The following MKKS variants were observed in gnomAD, a reference collection of about 807,000 sequenced individuals.
MKKS encodes MKKS centrosomal shuttling protein, also known as molecular chaperone MKKS.
Under a neutral mutation model 33.2 loss-of-function variants are expected in MKKS, and 29 were observed. The observed-to-expected ratio is 0.87, with a 90% CI of 0.65 to 1.19. MKKS has a LOEUF of 1.19. Ranked by LOEUF, MKKS falls within the 50% of genes most tolerant of loss-of-function variation. MKKS has a pLI of 0.00. For missense variants in MKKS, 661 were observed against 662.3 expected, an observed-to-expected ratio of 1.00 and a Z score of 0.02; for synonymous variants, 260 against 244.0, an observed-to-expected ratio of 1.07 and a Z score of -0.61.
At position 10,423,865 on chromosome 20, in the gene MKKS, C is replaced by T. The variant is rs145441546; in HGVS notation, c.-648-3107G>A. Among the ~76,000 whole-genome samples, 208 of 152,298 alleles carry T rather than the reference C, an allele frequency of 1.4e-3. 1 individual carries two copies. The highest frequency in any genetic ancestry group is 4.7e-3 in the African/African-American group (197 of 41,558). On this transcript the variant is annotated intron_variant, in intron 1 of 5. Coordinates refer to ENST00000347364, the MANE Select transcript of MKKS (RefSeq NM_170784.3). ...TGCTAAACATCACTGAGACTCAGTACAGTATTTCCTGGTTAGTAAATGATG... is the reference window on the plus strand; with the variant it reads ...TGCTAAACATCACTGAGACTCAGTATAGTATTTCCTGGTTAGTAAATGATG...
At chr20:10,410,362 G>A (rs142899938) in intron 3 of MKKS, among the ~76,000 whole-genome samples, 81 of 152,302 alleles carry the variant, frequency 5.3e-4, no homozygotes, top group African/African-American at 1.8e-3. Flanking sequence ...CGGGCGTGGT[G>A]GCTCATGCCT....
chr20:10,413,654 T>A lies in MKKS; in HGVS notation c.-140A>T. ...AATATGCAGCATTGTGGCTATAAAA[T>A]CAAAAAGTTCAATGTTTATGAAGCT... On this transcript the variant is annotated 5_prime_UTR_variant, in exon 3 of 6. Coordinates refer to ENST00000347364, the MANE Select transcript of MKKS (RefSeq NM_170784.3). 1.1e-6 allele frequency: 1 copy of A among 882,028 alleles called. No homozygotes were observed. Among genetic ancestry groups the A allele is most frequent in the Admixed American group, 2.3e-5 (1 of 43,270 alleles). The allele number at this position is 882,028 out of a possible 1,614,324, so 54.6% of individuals were successfully genotyped here.
intron 1 of MKKS, among the ~76,000 whole-genome samples, chr20:10,425,068 A>G (rs2065006890): frequency 7.2e-6 from 1 of 138,356 alleles, no homozygotes; most frequent in Admixed American, 7.4e-5. Flanking sequence ...AAAAAAAAAG[A>G]AAGAAAGAAA....
intron 4 of MKKS, 98 bp downstream of exon 4, chr20:10,408,530 A>G (rs1438697431): frequency 1.6e-6 from 2 of 1,240,028 alleles, no homozygotes; most frequent in African/African-American, 3.0e-5. Context: ...TGCTTTCTAT[A>G]CTACCTAGGG....
intron 5 of MKKS, among the ~76,000 whole-genome samples, chr20:10,406,186 G>T (rs1200654469): frequency 6.6e-6 from 1 of 152,096 alleles, no homozygotes; most frequent in Non-Finnish European, 1.5e-5. Flanking sequence ...TTTTAAAAAT[G>T]AATATTCTTC....
chr20:10,414,331 T>A (rs1383906399), intron 2 of MKKS, among the ~76,000 whole-genome samples: 1 of 149,116 alleles, frequency 6.7e-6, no homozygotes, highest in African/African-American at 2.5e-5. Context: ...AATGGCGTGA[T>A]CTTGGCTCAC....
chr20:10,430,949 G>A (rs371776732), intron 1 of MKKS, among the ~76,000 whole-genome samples: 1 of 152,146 alleles, frequency 6.6e-6, no homozygotes, highest in Non-Finnish European at 1.5e-5. Context: ...GAGTAATGGC[G>A]AGAATCAAAG....
intron 1 of MKKS, among the ~76,000 whole-genome samples, chr20:10,422,190 A>G (rs2064985062): frequency 6.6e-6 from 1 of 152,118 alleles, no homozygotes; most frequent in Non-Finnish European, 1.5e-5. Context: ...ATTTCTCCCA[A>G]AGGTCTCAAT....
rs1242013814 is a variant in MKKS at position 10,412,860 on chromosome 20, G to A, written c.655C>T (p.Leu219Phe). 2.5e-6 allele frequency: 4 copies of A among 1,613,932 alleles called. No individual in the cohort carries two copies. Among genetic ancestry groups the A allele is most frequent in the African/African-American group, 1.3e-5 (1 of 74,892 alleles). The change falls in exon 3 of 6, where the codon CTC becomes TTC. Residue 219 changes from leucine (L) to phenylalanine (F), a missense_variant. Coordinates refer to ENST00000347364, the MANE Select transcript of MKKS (RefSeq NM_170784.3). The stretch of plus-strand genomic sequence containing the variant: ...AATTGAACTTCTGACATTTCAATGA[G>A]TATCCCAGGTAATACAGTGGAATCT... Reference protein sequence around the residue: ...VIDSTVLPGILIEMSEVQLMR... With the variant: ...VIDSTVLPGIFIEMSEVQLMR...
rs982055281 is a variant in MKKS, at chr20:10,404,386, T to C, written c.*861A>G. The stretch of plus-strand genomic sequence containing the variant: ...GGACATTTGGCAATGTCTGGAAACA[T>C]TTTTGGTTGTCACAACAGGAGGGTG... On this transcript the variant is annotated 3_prime_UTR_variant, in exon 6 of 6. Coordinates refer to ENST00000347364, the MANE Select transcript of MKKS (RefSeq NM_170784.3). 3 of 151,468 alleles carry C rather than the reference T, an allele frequency of 2.0e-5. No homozygotes were observed. The East Asian group carries it at 5.8e-4, about 29-fold the overall frequency. The allele number at this position is 151,468 out of a possible 1,614,324, so 9.4% of individuals were successfully genotyped here.
chr20:10,433,082 C>A (rs1308612520), intron 1 of MKKS, among the ~76,000 whole-genome samples: 2 of 152,234 alleles, frequency 1.3e-5, no homozygotes, highest in African/African-American at 4.8e-5. Context: ...CCGCTCACCG[C>A]AACCTCCGCC....
chr20:10,405,446 T>C lies in MKKS; in HGVS notation c.1514A>G (p.Gln505Arg). The change falls in exon 6 of 6, where the codon CAG becomes CGG. Residue 505 changes from glutamine to arginine, a missense_variant. Physicochemically the swap from Gln to Arg is conservative, Grantham distance 43. Transcript: ENST00000347364. ...TAAGAAAGACCAGTTGAGTTCTTCC[T>C]GGCTATTGTATAATCCACAGCCACA... ...SQCGCGLYNS[Q>R]EELNWSFLRS... The C allele has an allele frequency of 1.2e-6, 2 of 1,614,226 alleles. No homozygotes were observed. Among genetic ancestry groups the C allele is most frequent in the Non-Finnish European group, 1.7e-6 (2 of 1,180,044 alleles).
rs2064916337 is a variant in MKKS, at chr20:10,413,824, C to T, written c.-310G>A. 2.0e-6 allele frequency: 1 copy of T among 505,744 alleles called. No homozygotes were observed. The allele number at this position is 505,744 out of a possible 1,614,324, so 31.3% of individuals were successfully genotyped here. A position where few individuals can be genotyped will look rare whatever the true frequency, so the allele number is the denominator to read the frequency against. On this transcript the variant is annotated 5_prime_UTR_variant, in exon 3 of 6. Coordinates refer to ENST00000347364, the MANE Select transcript of MKKS (RefSeq NM_170784.3). ...TGCAAAAAGTATGTTCCAAGATGGACACCTATGAAAGATATCCCAGCTACA... is the reference window on the plus strand; with the variant it reads ...TGCAAAAAGTATGTTCCAAGATGGATACCTATGAAAGATATCCCAGCTACA...
intron 2 of MKKS, among the ~76,000 whole-genome samples, chr20:10,416,293 G>T (rs371049183): frequency 3.3e-5 from 5 of 152,098 alleles, no homozygotes; most frequent in African/African-American, 7.2e-5. Flanking sequence ...AAAAGCAAAT[G>T]GAGTTCTTTG....
At chr20:10,432,199 C>G (rs1280188621) in intron 1 of MKKS, among the ~76,000 whole-genome samples, 2 of 152,210 alleles carry the variant, frequency 1.3e-5, no homozygotes, top group African/African-American at 4.8e-5. Flanking sequence ...GAAGGGCCAA[C>G]CCAGCACTAG....
chr20:10,412,003 G>A (rs1321531759), intron 3 of MKKS, among the ~76,000 whole-genome samples: 2 of 152,186 alleles, frequency 1.3e-5, no homozygotes, highest in African/African-American at 2.4e-5. Flanking sequence ...GAAAGTAAAA[G>A]ATGATCTTGG....
At chr20:10,409,977 CAAAAAAAAAAAAAAAAAA>C (rs58776463) in intron 3 of MKKS, among the ~76,000 whole-genome samples, 11 of 54,234 alleles carry the variant, frequency 2.0e-4, no homozygotes, top group Non-Finnish European at 2.4e-4. Context: ...GACTTTGTCT[CAAAAAAAAAAAAAAAAAA>C]AAAAAAAAAA....
chr20:10,431,303 C>A (rs6039927), intron 1 of MKKS, among the ~76,000 whole-genome samples: 78,666 of 151,832 alleles, frequency 0.52, 20,724 homozygotes, highest in Non-Finnish European at 0.56. Context: ...ATGTATCCCA[C>A]ATTCACAATA....
intron 2 of MKKS, among the ~76,000 whole-genome samples, chr20:10,415,679 C>T (rs753191442): frequency 3.2e-4 from 49 of 152,256 alleles, no homozygotes; most frequent in South Asian, 1.7e-3. Flanking sequence ...TTAATTTGCA[C>T]GTTAAAACTT....
Sources: allele counts gnomAD v4.1 joint callset (sites outside exome capture counted in the v4.1 genomes callset), GRCh38; gene constraint gnomAD v4.1.1; transcripts MANE v1.5; gene names NCBI Gene and HGNC (gene_info 2026-07-23, HGNC 2026-07-21).